The following TESPA1 variants were observed in gnomAD, a reference collection of about 807,000 sequenced individuals.
The protein encoded by TESPA1 is protein TESPA1.
Under a neutral mutation model 57.9 loss-of-function variants are expected in TESPA1, and 33 were observed. That is an observed-to-expected ratio of 0.57 (90% CI 0.43 to 0.76). TESPA1 has a LOEUF of 0.76. Ranked by LOEUF, TESPA1 falls within the 30% of genes least tolerant of loss-of-function variation. The pLI, the probability that TESPA1 is intolerant of heterozygous loss-of-function variation, is 0.00. For synonymous variants in TESPA1, 227 were observed against 228.9 expected, an observed-to-expected ratio of 0.99 and a Z score of 0.07; for missense variants, 618 against 632.9, an observed-to-expected ratio of 0.98 and a Z score of 0.25.
intron 10 of TESPA1, among the ~76,000 whole-genome samples, chr12:54,954,366 T>C (rs1950602916): frequency 6.6e-6 from 1 of 152,176 alleles, no homozygotes; most frequent in Admixed American, 6.5e-5. Flanking sequence ...AAATAACACT[T>C]CTGTATCTTC....
At position 54,973,915 on chromosome 12, in the gene TESPA1, A is replaced by C. The variant is rs1952005079; in HGVS notation, c.164-396T>G. 15 of 1,053,024 alleles carry C rather than the reference A, an allele frequency of 1.4e-5. No homozygotes were observed. In the South Asian group the frequency reaches 5.0e-4, roughly 35 times the overall value. 65.2% of individuals were successfully genotyped at this position (1,053,024 alleles called of 1,614,324 possible). ...CCATCAGAATTTTTGTTTTACTCTT[A>C]TGACTGTGGTCTCATCTGAACCTCA... On this transcript the variant is annotated intron_variant, in intron 2 of 10. Coordinates refer to ENST00000449076, the MANE Select transcript of TESPA1 (RefSeq NM_001136030.3).
chr12:54,957,079 A>G (rs533946868), intron 10 of TESPA1, among the ~76,000 whole-genome samples: 1 of 152,186 alleles, frequency 6.6e-6, no homozygotes, highest in Admixed American at 6.5e-5. Flanking sequence ...CCCTTGTGCT[A>G]ATTACAGAAA....
chr12:54,974,803 C>T (rs927752328), intron 1 of TESPA1, among the ~76,000 whole-genome samples, 196 bp from the exon 2 acceptor site: 5 of 152,104 alleles, frequency 3.3e-5, no homozygotes, highest in Admixed American at 2.0e-4. Context: ...CTCTAAATAC[C>T]GGGATAAGTC....
chr12:54,963,814 T>C lies in TESPA1; in HGVS notation c.583A>G (p.Ile195Val). ...GACTTCAGGAAGAGCTGGAAATCAA[T>C]GCCCTTGGCCTGAGAGGGGGTGGTG... Reference protein sequence around the residue: ...FFTTPSQAKGIDFQLFLKSQV... With the variant: ...FFTTPSQAKGVDFQLFLKSQV... The change falls in exon 8 of 11, where the codon ATT (isoleucine) becomes GTT (valine). Residue 195 changes from isoleucine (I) to valine (V), a missense_variant. Transcript: ENST00000449076. The C allele has an allele frequency of 6.2e-7, 1 of 1,613,998 alleles. No homozygotes were observed. The highest frequency in any genetic ancestry group is 8.5e-7 in the Non-Finnish European group (1 of 1,179,884).
chr12:54,952,790 C>CT (rs1195818910), intron 10 of TESPA1, among the ~76,000 whole-genome samples: 12 of 152,014 alleles, frequency 7.9e-5, no homozygotes, highest in African/African-American at 2.9e-4. Context: ...ATTATTTTAC[C>CT]TTTTTGAAAA....
Position 54,962,487 on chromosome 12 carries a change from G to T in TESPA1, c.1411C>A (p.Pro471Thr), listed in dbSNP as rs536817892. The change falls in exon 9 of 11, where the codon CCA becomes ACA. Residue 471 changes from proline to threonine, a missense_variant. Pro to Thr is a conservative substitution (Grantham distance 38). Transcript: ENST00000449076. ...TGGCTTAAAGACCGACGCAGTTCTG[G>T]TCTGTCTACACTCTGCTTCCATTTC... ...QQKWKQSVDR[P>T]ELRRSLSQQP... 3 of 1,612,944 alleles carry T rather than the reference G, an allele frequency of 1.9e-6. No individual in the cohort carries two copies. The highest frequency in any genetic ancestry group is 2.5e-6 in the Non-Finnish European group (3 of 1,179,880).
intron 10 of TESPA1, among the ~76,000 whole-genome samples, chr12:54,956,003 A>T (rs1950712953): frequency 6.6e-6 from 1 of 152,204 alleles, no homozygotes; most frequent in African/African-American, 2.4e-5. Flanking sequence ...ATAATGAAAG[A>T]CCTTATGTCA....
intron 8 of TESPA1, among the ~76,000 whole-genome samples, chr12:54,963,532 G>A (rs1423323262): frequency 6.6e-6 from 1 of 152,198 alleles, no homozygotes; most frequent in African/African-American, 2.4e-5. Context: ...GGAAGCAGTA[G>A]TGGCCTGAAG....
intron 10 of TESPA1, among the ~76,000 whole-genome samples, chr12:54,960,545 A>G (rs1196736999): frequency 6.6e-6 from 1 of 152,234 alleles, no homozygotes; most frequent in Non-Finnish European, 1.5e-5. Context: ...AGCTGAAAGC[A>G]GGTGTTGGGA....
At chr12:54,973,836 G>T (rs1952001151) in intron 2 of TESPA1, 4 of 1,123,236 alleles carry the variant, frequency 3.6e-6, no homozygotes, top group Non-Finnish European at 3.3e-6. Flanking sequence ...AAAAGAAAAA[G>T]AAAGACAATC....
rs367574216 is a variant in TESPA1 at position 54,966,464 on chromosome 12, G to T, written c.311-40C>A. 6 of 1,603,432 alleles carry T rather than the reference G, an allele frequency of 3.7e-6. No homozygotes were observed. In the African/African-American group the frequency reaches 6.7e-5, roughly 18 times the overall value. Reference sequence around the variant, plus strand: ...GAGAAGCAAAGAGCAAATTAGAAGGGAAAATGAAAATCACCTGTGTTGCCC... The same window carrying T: ...GAGAAGCAAAGAGCAAATTAGAAGGTAAAATGAAAATCACCTGTGTTGCCC... On this transcript the variant is annotated intron_variant, in intron 5 of 10. Transcript: ENST00000449076.
chr12:54,964,057 T>C, intron 7 of TESPA1, 107 bp from the exon 8 acceptor site: 1 of 1,164,006 alleles, frequency 8.6e-7, no homozygotes, highest in Non-Finnish European at 1.2e-6. Context: ...TTCTTTTCTG[T>C]CCATTTCTCT....
Position 54,948,290 on chromosome 12 carries a change from T to G in TESPA1, c.*2102A>C. The G allele has an allele frequency of 5.6e-6, 1 of 179,640 alleles. No individual in the cohort carries two copies. The highest frequency in any genetic ancestry group is 1.1e-5 in the Non-Finnish European group (1 of 87,426). The allele number at this position is 179,640 out of a possible 1,614,324, so 11.1% of individuals were successfully genotyped here. A position where few individuals can be genotyped will look rare whatever the true frequency, so the allele number is the denominator to read the frequency against. On this transcript the variant is annotated 3_prime_UTR_variant, in exon 11 of 11. Coordinates refer to ENST00000449076, the MANE Select transcript of TESPA1 (RefSeq NM_001136030.3). ...TTTCACTTCTTTTGTGATTCTCCAC[T>G]TGCTTCAGGCCATCTGGATGTATAC...
In TESPA1 at chr12:54,962,624, G is replaced by A. The variant is rs1951158375; in HGVS notation, c.1274C>T (p.Pro425Leu). Residue 425 changes from proline to leucine, a missense_variant, in exon 9 of 11, where the codon CCA (proline) becomes CTA (leucine). Coordinates refer to ENST00000449076, the MANE Select transcript of TESPA1 (RefSeq NM_001136030.3). ...SLPATNTETH[P>L]AKDETFWKRK... Reference sequence around the variant, plus strand: ...TTTCCAGAAAGTCTCATCCTTGGCTGGATGGGTTTCCGTATTGGTGGCTGG... The same window carrying A: ...TTTCCAGAAAGTCTCATCCTTGGCTAGATGGGTTTCCGTATTGGTGGCTGG... 6.2e-7 allele frequency: 1 copy of A among 1,613,964 alleles called. No individual in the cohort carries two copies. Among genetic ancestry groups the A allele is most frequent in the East Asian group, 2.2e-5 (1 of 44,862 alleles).
rs187051243 is a variant in TESPA1, at chr12:54,975,237, C to T, written c.-45-630G>A. ...AAAAAAAATACCCTGTGATTAAAAG[C>T]AGAGAGACACTGCCTTAAGCAATTA... On this transcript the variant is annotated intron_variant, in intron 1 of 10. Coordinates refer to ENST00000449076, the MANE Select transcript of TESPA1 (RefSeq NM_001136030.3). 1.9e-3 allele frequency among the ~76,000 whole-genome samples: 288 copies of T among 152,098 alleles called. 3 individuals are homozygous for T. The highest frequency in any genetic ancestry group is 6.3e-3 in the African/African-American group (263 of 41,468).
At position 54,967,897 on chromosome 12, in the gene TESPA1, A is replaced by G. The variant is rs776728032; in HGVS notation, c.207-5T>C. Reference sequence around the variant, plus strand: ...GAAAATCCTTCTTCAGAGTATCTAAACCAAAAACAGTCTTATAGGTTGAAG... The same window carrying G: ...GAAAATCCTTCTTCAGAGTATCTAAGCCAAAAACAGTCTTATAGGTTGAAG... On this transcript the variant is annotated splice_region_variant and splice_polypyrimidine_tract_variant and intron_variant, in intron 3 of 10. Coordinates refer to ENST00000449076, the MANE Select transcript of TESPA1 (RefSeq NM_001136030.3). 11 of 1,613,480 alleles carry G rather than the reference A, an allele frequency of 6.8e-6. No homozygotes were observed. The highest frequency in any genetic ancestry group is 3.3e-5 in the Admixed American group (2 of 59,984).
At chr12:54,967,136 G>A (rs1421413633) in intron 5 of TESPA1, 47 bp downstream of exon 5, 1 of 1,602,590 alleles carries the variant, frequency 6.2e-7, no homozygotes, top group Non-Finnish European at 8.5e-7. Flanking sequence ...TTCATACAAT[G>A]TATATCCTGT....
At chr12:54,967,918 T>C in intron 3 of TESPA1, 26 bp from the exon 4 acceptor site, 1 of 1,613,266 alleles carries the variant, frequency 6.2e-7, no homozygotes, top group Non-Finnish European at 8.5e-7. Context: ...TCTTATAGGT[T>C]GAAGTCACTT....
chr12:54,965,244 T>C (rs1354484748), intron 7 of TESPA1, among the ~76,000 whole-genome samples: 1 of 152,164 alleles, frequency 6.6e-6, no homozygotes, highest in Non-Finnish European at 1.5e-5. Context: ...GTTTGTTACA[T>C]AGGTAAACGT....
Sources: gnomAD v4.1 joint callset for allele counts (sites outside exome capture counted in the v4.1 genomes callset) on GRCh38, gnomAD v4.1.1 for gene constraint, MANE v1.5 for transcripts, NCBI Gene and HGNC (gene_info 2026-07-23, HGNC 2026-07-21) for gene names.